The following SNTG1 variants were observed in gnomAD, a reference collection of about 807,000 sequenced individuals.
SNTG1 encodes the protein gamma-1-syntrophin.
A neutral mutation model predicts 74.7 loss-of-function variants in SNTG1; 39 were observed. That is an observed-to-expected ratio of 0.52 (90% CI 0.40 to 0.68). SNTG1 has a LOEUF of 0.68. Among genes scored for constraint, SNTG1 ranks in the 30% least tolerant of loss-of-function variants. The pLI is 0.00. For synonymous variants in SNTG1, 254 were observed against 217.1 expected (o/e 1.17, Z -1.49); for missense variants, 685 against 609.5 (o/e 1.12, Z -1.30).
At chr8:50,432,322 T>A (rs1349575956) in intron 4 of SNTG1, among the ~76,000 whole-genome samples, 2 of 151,990 alleles carry the variant, frequency 1.3e-5, no homozygotes, top group South Asian at 2.1e-4. Flanking sequence ...ATTAGTTGAT[T>A]CTACTTTTTT....
chr8:50,763,904 CACAA>C lies in SNTG1; in HGVS notation c.1395+11795_1395+11798del, dbSNP rs1188254875. On this transcript the variant is annotated intron_variant, in intron 18 of 18. Coordinates refer to ENST00000642720, the MANE Select transcript of SNTG1 (RefSeq NM_018967.5). ...ACACACACACACACACACACACACA[CACAA>C]AAATAACCAAGGCAATTCCTATACA... is the stretch of plus-strand genomic sequence containing the variant. Among the ~76,000 whole-genome samples the C allele has an allele frequency of 1.6e-3, 102 of 65,494 alleles. No homozygotes were observed. The East Asian group carries it at 0.034, about 22-fold the overall frequency. The allele number at this position is 65,494 out of a possible 152,430, so 43.0% of individuals were successfully genotyped here.
chr8:50,322,153 T>A (rs987242240), intron 2 of SNTG1, among the ~76,000 whole-genome samples: 1 of 152,126 alleles, frequency 6.6e-6, no homozygotes, highest in Non-Finnish European at 1.5e-5. Flanking sequence ...AGGGTACATG[T>A]GCCTTTAGCA....
At chr8:50,522,320 T>C (rs1182412325) in intron 9 of SNTG1, among the ~76,000 whole-genome samples, 1 of 152,104 alleles carries the variant, frequency 6.6e-6, no homozygotes, top group African/African-American at 2.4e-5. Context: ...GGTGTGTGTG[T>C]GTGTTTCTGA....
At chr8:50,129,910 C>A (rs1173273666) in intron 1 of SNTG1, among the ~76,000 whole-genome samples, 1 of 152,042 alleles carries the variant, frequency 6.6e-6, no homozygotes, top group Middle Eastern at 3.2e-3. Context: ...AGTACTGGAT[C>A]CACAGGCGTG....
intron 2 of SNTG1, among the ~76,000 whole-genome samples, chr8:50,367,137 G>A (rs1318645536): frequency 2.0e-5 from 3 of 151,476 alleles, no homozygotes; most frequent in Admixed American, 6.6e-5. Context: ...GAGAATATTT[G>A]GAAAACATTC....
At chr8:50,528,471 T>C (rs568085091) in intron 9 of SNTG1, among the ~76,000 whole-genome samples, 1 of 152,016 alleles carries the variant, frequency 6.6e-6, no homozygotes, top group Non-Finnish European at 1.5e-5. Context: ...ATTTTGAATG[T>C]AAAACCAAGC....
chr8:50,290,466 C>T (rs7015073), intron 2 of SNTG1, among the ~76,000 whole-genome samples: 1 of 151,944 alleles, frequency 6.6e-6, no homozygotes, highest in African/African-American at 2.4e-5. Flanking sequence ...AGGCCTTTGC[C>T]GGGAAACATC....
intron 2 of SNTG1, among the ~76,000 whole-genome samples, chr8:50,263,390 T>C (rs563072340): frequency 6.6e-6 from 1 of 152,200 alleles, no homozygotes; most frequent in African/African-American, 2.4e-5. Context: ...ATTAGTAATG[T>C]TATTAAATAT....
At chr8:50,648,704 T>G (rs998147633) in intron 13 of SNTG1, among the ~76,000 whole-genome samples, 1 of 152,080 alleles carries the variant, frequency 6.6e-6, no homozygotes, top group Non-Finnish European at 1.5e-5. Context: ...ATTGTATATA[T>G]AGAAAGTTCC....
At chr8:50,437,620 T>A (rs1049586287) in intron 4 of SNTG1, among the ~76,000 whole-genome samples, 1 of 152,166 alleles carries the variant, frequency 6.6e-6, no homozygotes, top group African/African-American at 2.4e-5. Flanking sequence ...TTTGTAGAGA[T>A]ATAGGGACCA....
chr8:50,586,210 A>C (rs376766720), intron 12 of SNTG1, among the ~76,000 whole-genome samples: 20 of 152,334 alleles, frequency 1.3e-4, no homozygotes, highest in African/African-American at 4.8e-4. Context: ...AAGGGAATTC[A>C]AGCTTACTTT....
At chr8:50,713,585 C>A (rs10087228) in intron 17 of SNTG1, among the ~76,000 whole-genome samples, 2 of 151,910 alleles carry the variant, frequency 1.3e-5, no homozygotes, top group Admixed American at 1.3e-4. Context: ...CCCATGTCTG[C>A]GTCCTGGATG....
intron 13 of SNTG1, among the ~76,000 whole-genome samples, chr8:50,616,930 C>T (rs1249386613): frequency 6.6e-6 from 1 of 152,204 alleles, no homozygotes; most frequent in Admixed American, 6.5e-5. Flanking sequence ...TACACAACAG[C>T]TGCATTCCCA....
chr8:50,104,303 T>C (rs1201858090), intron 1 of SNTG1, among the ~76,000 whole-genome samples: 3 of 152,220 alleles, frequency 2.0e-5, no homozygotes, highest in Non-Finnish European at 4.4e-5. Context: ...GGTGTATGTG[T>C]CGAGGAGTTT....
intron 15 of SNTG1, among the ~76,000 whole-genome samples, chr8:50,672,910 A>C (rs982704849): frequency 2.0e-5 from 3 of 152,072 alleles, no homozygotes; most frequent in African/African-American, 7.2e-5. Context: ...CAAATGGCTC[A>C]CCAGTTTTCC....
At chr8:50,019,343 G>A (rs1040665327) in intron 1 of SNTG1, among the ~76,000 whole-genome samples, 3 of 151,986 alleles carry the variant, frequency 2.0e-5, no homozygotes, top group Non-Finnish European at 4.4e-5. Context: ...GGTTTTCAGG[G>A]ACAGACTTAT....
At chr8:49,970,686 T>C (rs543599852) in intron 1 of SNTG1, among the ~76,000 whole-genome samples, 1 of 152,334 alleles carries the variant, frequency 6.6e-6, no homozygotes, top group African/African-American at 2.4e-5. Flanking sequence ...CGCATGTCTC[T>C]AGAGAAGAAC....
intron 2 of SNTG1, among the ~76,000 whole-genome samples, chr8:50,213,098 T>A (rs193040903): frequency 2.0e-5 from 3 of 152,338 alleles, no homozygotes; most frequent in East Asian, 3.9e-4. Context: ...ATCTTCCCTA[T>A]GAAAGAGTAG....
Position 50,197,657 on chromosome 8 carries a change from G to C in SNTG1, c.-28+25022G>C, listed in dbSNP as rs930877600. Reference sequence around the variant, plus strand: ...TTTTGTATTGCCAGATTACTGTCCAGAGTGGCAAGCTACATATCACTAAAA... The same window carrying C: ...TTTTGTATTGCCAGATTACTGTCCACAGTGGCAAGCTACATATCACTAAAA... On this transcript the variant is annotated intron_variant, in intron 2 of 18. Coordinates refer to ENST00000642720, the MANE Select transcript of SNTG1 (RefSeq NM_018967.5). 2.6e-5 allele frequency among the ~76,000 whole-genome samples: 4 copies of C among 152,182 alleles called. No individual in the cohort carries two copies. In the South Asian group the frequency reaches 8.3e-4, roughly 32 times the overall value.
Sources: allele counts gnomAD v4.1 joint callset (sites outside exome capture counted in the v4.1 genomes callset), GRCh38; gene constraint gnomAD v4.1.1; transcripts MANE v1.5; gene names NCBI Gene and HGNC (gene_info 2026-07-23, HGNC 2026-07-21).